GTF3C1: variants seen among roughly 807,000 people sequenced by gnomAD.
GTF3C1 encodes general transcription factor 3C polypeptide 1.
GTF3C1 carries 57 observed loss-of-function variants against 226.7 expected under a neutral mutation model. The observed-to-expected ratio is 0.25, with a 90% CI of 0.20 to 0.31. GTF3C1 has a LOEUF of 0.31. Among genes scored for constraint, GTF3C1 ranks in the 10% least tolerant of loss-of-function variants. GTF3C1 has a pLI of 1.00. For missense variants in GTF3C1, 2,217 were observed against 2,776.1 expected, an observed-to-expected ratio of 0.80 and a Z score of 4.53; for synonymous variants, 1,090 against 1,084.8, an observed-to-expected ratio of 1.00 and a Z score of -0.09.
intron 10 of GTF3C1, among the ~76,000 whole-genome samples, chr16:27,504,953 A>T (rs1484453497): frequency 6.6e-6 from 1 of 152,116 alleles, no homozygotes; most frequent in Non-Finnish European, 1.5e-5. Context: ...TAATTAAAAA[A>T]ATACATAAAG....
In GTF3C1 at chr16:27,464,708, C is replaced by A. The variant is rs60215987; in HGVS notation, c.5484G>T (p.Gln1828His). The A allele has an allele frequency of 1.9e-6, 3 of 1,597,228 alleles. No individual in the cohort carries two copies. The highest frequency in any genetic ancestry group is 1.7e-6 in the Non-Finnish European group (2 of 1,177,678). Residue 1828 changes from glutamine to histidine, a missense_variant, in exon 34 of 37, where the codon CAG becomes CAT. By Grantham distance (24) the Gln-to-His change is conservative. Around this residue, in one of 12 missense-constraint regions of GTF3C1, gnomAD observed 455 missense variants for 441.9 expected, o/e 1.03. Transcript: ENST00000356183. ...GGGGTCTGGCCTGGGGGTCTTCTCT[C>A]TGGATGTCGGCGTCTTCTCTGTCTT... ...RLKDREDADIQREDPQARPLE... is the reference protein window; with the variant it reads ...RLKDREDADIHREDPQARPLE...
chr16:27,471,848 A>C lies in GTF3C1; in HGVS notation c.4426T>G (p.Leu1476Val), dbSNP rs766693429. ...KAFMECQKRS[L>V]VNRRRVNHTL... ...TGGTTGACCCGGCGCCGGTTGACCAAGCTCCTCTTCTGGCACTCCATGAAG... is the reference window on the plus strand; with the variant it reads ...TGGTTGACCCGGCGCCGGTTGACCACGCTCCTCTTCTGGCACTCCATGAAG... The change falls in exon 30 of 37, where the codon TTG (leucine) becomes GTG (valine). Residue 1476 changes from leucine (L) to valine (V), a missense_variant. Transcript: ENST00000356183. The surrounding 1 kb of genome is among the most constrained non-coding windows in gnomAD (Gnocchi z 5.0). 1 of 1,613,954 alleles carries C rather than the reference A, an allele frequency of 6.2e-7. No individual in the cohort carries two copies. The highest frequency in any genetic ancestry group is 8.5e-7 in the Non-Finnish European group (1 of 1,179,890).
chr16:27,508,869 A>G (rs2088528728), intron 7 of GTF3C1, among the ~76,000 whole-genome samples: 1 of 152,206 alleles, frequency 6.6e-6, no homozygotes, highest in South Asian at 2.1e-4. Context: ...ACTAACAGCT[A>G]ATGTTTGAAT....
intron 6 of GTF3C1, among the ~76,000 whole-genome samples, chr16:27,515,312 G>T (rs1316519497): frequency 6.6e-6 from 1 of 152,000 alleles, no homozygotes; most frequent in Admixed American, 6.5e-5. Flanking sequence ...TATAGGCGTT[G>T]GAGGTGTGCA....
At position 27,462,078 on chromosome 16, in the gene GTF3C1, C is replaced by T. The variant is rs761551396; in HGVS notation, c.6117+216G>A. On this transcript the variant is annotated intron_variant, in intron 36 of 36. Coordinates refer to ENST00000356183, the MANE Select transcript of GTF3C1 (RefSeq NM_001520.4). The surrounding 1 kb of genome is among the most constrained non-coding windows in gnomAD (Gnocchi z 4.5). The stretch of plus-strand genomic sequence containing the variant: ...GAGAAAGCATCAGAGACAAGCACCC[C>T]GGGCACCCCATCTTCCAGCCTGGTC... 27 of 573,850 alleles carry T rather than the reference C, an allele frequency of 4.7e-5. No individual in the cohort carries two copies. Among genetic ancestry groups the T allele is most frequent in the East Asian group, 8.4e-5 (3 of 35,730 alleles). 35.5% of individuals were successfully genotyped at this position (573,850 alleles called of 1,614,324 possible). A position where few individuals can be genotyped will look rare whatever the true frequency, so the allele number is the denominator to read the frequency against.
intron 7 of GTF3C1, among the ~76,000 whole-genome samples, chr16:27,509,951 T>C (rs114012463): frequency 8.7e-4 from 132 of 151,352 alleles, no homozygotes; most frequent in African/African-American, 3.0e-3. Flanking sequence ...CGCTAAAAAG[T>C]AGGGATGAAA....
At chr16:27,515,630 G>A (rs1417152264) in intron 6 of GTF3C1, among the ~76,000 whole-genome samples, 2 of 152,176 alleles carry the variant, frequency 1.3e-5, no homozygotes, top group Non-Finnish European at 2.9e-5. Flanking sequence ...ATGAACTTGG[G>A]CTCCAGAGCC....
intron 29 of GTF3C1, among the ~76,000 whole-genome samples, chr16:27,473,836 G>A (rs1209980815): frequency 1.3e-5 from 2 of 152,242 alleles, no homozygotes; most frequent in Non-Finnish European, 2.9e-5. Flanking sequence ...GTGGGCGGGA[G>A]AAGCTGGGAG....
intron 2 of GTF3C1, among the ~76,000 whole-genome samples, chr16:27,543,422 G>A (rs533960490): frequency 1.4e-4 from 22 of 152,082 alleles, no homozygotes; most frequent in African/African-American, 4.6e-4. Context: ...ATCGGGTCAC[G>A]CTCTATTGTC....
Position 27,470,742 on chromosome 16 carries a change from A to G in GTF3C1, c.4527-347T>C, listed in dbSNP as rs1336294079. The G allele has an allele frequency of 1.7e-5, 5 of 286,504 alleles. No individual in the cohort carries two copies. Among genetic ancestry groups the G allele is most frequent in the East Asian group, 1.7e-4 (2 of 11,898 alleles). The allele number at this position is 286,504 out of a possible 1,614,324, so 17.7% of individuals were successfully genotyped here. A position where few individuals can be genotyped will look rare whatever the true frequency, so the allele number is the denominator to read the frequency against. ...AGGGATGGTGAACACGCTTTCTGTA[A>G]TAATAGTCTCCGCACAAAGCCAGCC... On this transcript the variant is annotated intron_variant, in intron 30 of 36. Transcript: ENST00000356183. This position sits in a 1 kb window ranked among gnomAD's most constrained non-coding sequence, Gnocchi z 4.9.
intron 16 of GTF3C1, 127 bp from the exon 17 acceptor site, chr16:27,493,423 C>A: frequency 1.6e-6 from 1 of 640,796 alleles, no homozygotes; most frequent in South Asian, 1.7e-5. Context: ...GCTCTCCTTC[C>A]TGCCCCACCA....
At chr16:27,472,054 A>G (rs2087880326) in intron 29 of GTF3C1, 134 bp from the exon 30 acceptor site, 1 of 705,842 alleles carries the variant, frequency 1.4e-6, no homozygotes, top group South Asian at 1.7e-5. Context: ...AGGCTGGCGT[A>G]TGTGTGTGTC....
chr16:27,528,169 G>C (rs376096905), intron 6 of GTF3C1, among the ~76,000 whole-genome samples: 3 of 152,214 alleles, frequency 2.0e-5, no homozygotes, highest in African/African-American at 7.2e-5. Flanking sequence ...CAGCTACTCA[G>C]GAGGTTGAGG....
At position 27,492,493 on chromosome 16, in the gene GTF3C1, T is replaced by G. The variant is rs1169362065; in HGVS notation, c.2996A>C (p.Asn999Thr). ...GATGGTAGTGTCAACAATGACTGCA[T>G]TCTTCTTCAAGAAGATAAAGACCTA... is the stretch of plus-strand genomic sequence containing the variant. ...KDQVFIFLKK[N>T]AVIVDTTICD... Residue 999 changes from asparagine to threonine, a missense_variant, in exon 19 of 37, where the codon AAT becomes ACT. Physicochemically the swap from Asn to Thr is moderately conservative, Grantham distance 65. Around this residue, in one of 12 missense-constraint regions of GTF3C1, gnomAD observed 353 missense variants for 411.7 expected, o/e 0.86. Coordinates refer to ENST00000356183, the MANE Select transcript of GTF3C1 (RefSeq NM_001520.4). This position sits in a 1 kb window ranked among gnomAD's most constrained non-coding sequence, Gnocchi z 5.0. 6.2e-7 allele frequency: 1 copy of G among 1,613,330 alleles called. No individual in the cohort carries two copies. Among genetic ancestry groups the G allele is most frequent in the African/African-American group, 1.3e-5 (1 of 74,878 alleles).
Position 27,473,321 on chromosome 16 carries a change from A to G in GTF3C1, c.4354-1401T>C, listed in dbSNP as rs76380696. 7.1e-3 allele frequency among the ~76,000 whole-genome samples: 1,088 copies of G among 152,386 alleles called. 21 individuals carry two copies. The highest frequency in any genetic ancestry group is 0.025 in the African/African-American group (1,026 of 41,594). ...AGTCTCATGGACCTGGGCCCCGCCT[A>G]GTGAACAAGCAGCTCAAAGGACTGT... On this transcript the variant is annotated intron_variant, in intron 29 of 36. Coordinates refer to ENST00000356183, the MANE Select transcript of GTF3C1 (RefSeq NM_001520.4).
intron 6 of GTF3C1, among the ~76,000 whole-genome samples, chr16:27,524,369 C>T (rs897050945): frequency 1.3e-5 from 2 of 152,212 alleles, no homozygotes; most frequent in Non-Finnish European, 2.9e-5. Context: ...ATAAAACACA[C>T]GGCTAGATTG....
intron 12 of GTF3C1, among the ~76,000 whole-genome samples, chr16:27,498,974 C>T (rs1567399230): frequency 6.6e-6 from 1 of 152,228 alleles, no homozygotes; most frequent in Non-Finnish European, 1.5e-5. Flanking sequence ...TGCTCGGTCC[C>T]ACTGAGAAAT....
In GTF3C1 at chr16:27,533,514, T is replaced by C. The variant is rs184897946; in HGVS notation, c.753-127A>G. 5 of 627,056 alleles carry C rather than the reference T, an allele frequency of 8.0e-6. No homozygotes were observed. In the Admixed American group the frequency reaches 9.6e-5, roughly 12 times the overall value. 38.8% of individuals were successfully genotyped at this position (627,056 alleles called of 1,614,324 possible). A position where few individuals can be genotyped will look rare whatever the true frequency, so the allele number is the denominator to read the frequency against. On this transcript the variant is annotated intron_variant, in intron 4 of 36. Coordinates refer to ENST00000356183, the MANE Select transcript of GTF3C1 (RefSeq NM_001520.4). ...TTTTACAATAAATAACAGAATCTTTTAGGTCTCAAAGATCATCCAGCCCAA... is the reference window on the plus strand; with the variant it reads ...TTTTACAATAAATAACAGAATCTTTCAGGTCTCAAAGATCATCCAGCCCAA...
chr16:27,504,394 C>T (rs978507994), intron 10 of GTF3C1, among the ~76,000 whole-genome samples: 1 of 152,200 alleles, frequency 6.6e-6, no homozygotes, highest in African/African-American at 2.4e-5. Flanking sequence ...AGAAACAATG[C>T]CAATCCTGAC....
Sources: allele counts gnomAD v4.1 joint callset (sites outside exome capture counted in the v4.1 genomes callset), GRCh38; gene constraint gnomAD v4.1.1; regional missense constraint gnomAD v4.1.1; non-coding constraint Gnocchi (gnomAD v3.1); transcripts MANE v1.5; gene names NCBI Gene and HGNC (gene_info 2026-07-23, HGNC 2026-07-21).